UGT2B17: variants seen among roughly 807,000 people sequenced by gnomAD.
UGT2B17 encodes the protein UDP-glucuronosyltransferase 2B17.
UGT2B17 carries 21 observed loss-of-function variants against 48.2 expected under a neutral mutation model. That is an observed-to-expected ratio of 0.44 (90% CI 0.31 to 0.63). The LOEUF is 0.63. Ranked by LOEUF, UGT2B17 falls within the 20% of genes least tolerant of loss-of-function variation. UGT2B17 has a pLI of 0.08. For synonymous variants in UGT2B17, 146 were observed against 238.4 expected, an observed-to-expected ratio of 0.61 and a Z score of 3.57; for missense variants, 402 against 696.1, an observed-to-expected ratio of 0.58 and a Z score of 4.75.
intron 6 of UGT2B17, among the ~76,000 whole-genome samples, chr4:68,538,132 G>A (rs1214876773): frequency 2.4e-5 from 3 of 126,318 alleles, no homozygotes; most frequent in Middle Eastern, 3.6e-3. Context: ...GGAATTTTCG[G>A]TGGGAAAGTT....
chr4:68,546,569 T>G lies in UGT2B17; in HGVS notation c.1313+4108A>C, dbSNP rs1730812938. 1.6e-5 allele frequency among the ~76,000 whole-genome samples: 2 copies of G among 125,882 alleles called. 1 individual carries two copies. The highest frequency in any genetic ancestry group is 5.4e-5 in the African/African-American group (2 of 36,836). The allele number at this position is 125,882 out of a possible 152,430, so 82.6% of individuals were successfully genotyped here. ...CTATTCAACACAGTGTTGGATGTTC[T>G]GGCCAGGAGAATAAGGCAGGATAAG... On this transcript the variant is annotated intron_variant, in intron 6 of 6. Transcript: ENST00000317746.
At chr4:68,565,372 C>G (rs1313788973) in intron 3 of UGT2B17, among the ~76,000 whole-genome samples, 200 bp downstream of exon 3, 2 of 125,028 alleles carry the variant, frequency 1.6e-5, no homozygotes, top group African/African-American at 5.5e-5. Context: ...CAAAATCTCC[C>G]TAGTAAACCT....
rs767010706 is a variant in UGT2B17, at chr4:68,555,534, A to C, written c.1006-3623T>G. 4.8e-5 allele frequency among the ~76,000 whole-genome samples: 6 copies of C among 126,296 alleles called. 3 individuals carry two copies. Among genetic ancestry groups the C allele is most frequent in the Admixed American group, 3.3e-4 (4 of 12,206 alleles). The allele number at this position is 126,296 out of a possible 152,430, so 82.9% of individuals were successfully genotyped here. The stretch of plus-strand genomic sequence containing the variant: ...CACGGAGAGCTTGGAGGTTAAAAGC[A>C]AGATGGAGTTAGGTCAGATCTTTTT... On this transcript the variant is annotated intron_variant, in intron 4 of 6. Transcript: ENST00000317746.
chr4:68,549,487 C>T lies in UGT2B17; in HGVS notation c.1313+1190G>A, dbSNP rs1417215979. ...AAATAGAAAAATGACAAAATGTTCACAAGATTAAAATAGAAATTTTATCTA... is the reference window on the plus strand; with the variant it reads ...AAATAGAAAAATGACAAAATGTTCATAAGATTAAAATAGAAATTTTATCTA... On this transcript the variant is annotated intron_variant, in intron 6 of 6. Transcript: ENST00000317746. Among the ~76,000 whole-genome samples, 2 of 124,458 alleles carry T rather than the reference C, an allele frequency of 1.6e-5. 1 individual carries two copies. The highest frequency in any genetic ancestry group is 1.5e-3 in the East Asian group (2 of 1,314). The allele number at this position is 124,458 out of a possible 152,430, so 81.6% of individuals were successfully genotyped here.
Position 68,546,541 on chromosome 4 carries a change from C to G in UGT2B17, c.1313+4136G>C, listed in dbSNP as rs1332436620. The stretch of plus-strand genomic sequence containing the variant: ...AAGACAGGGATGCCCTCTCTCACCA[C>G]TCCTATTCAACACAGTGTTGGATGT... On this transcript the variant is annotated intron_variant, in intron 6 of 6. Coordinates refer to ENST00000317746, the MANE Select transcript of UGT2B17 (RefSeq NM_001077.4). Among the ~76,000 whole-genome samples, 3 of 126,114 alleles carry G rather than the reference C, an allele frequency of 2.4e-5. 1 individual carries two copies. The highest frequency in any genetic ancestry group is 8.1e-5 in the African/African-American group (3 of 36,920). 82.7% of individuals were successfully genotyped at this position (126,114 alleles called of 152,430 possible). A position where few individuals can be genotyped will look rare whatever the true frequency, so the allele number is the denominator to read the frequency against.
intron 6 of UGT2B17, among the ~76,000 whole-genome samples, chr4:68,539,850 T>A (rs1730622123): frequency 8.9e-6 from 1 of 112,738 alleles, no homozygotes; most frequent in Non-Finnish European, 1.8e-5. Flanking sequence ...GACGGAGCGA[T>A]CTTGGCTGAC....
chr4:68,570,849 C>T (rs1475409173), intron 1 of UGT2B17, among the ~76,000 whole-genome samples: 3 of 126,572 alleles, frequency 2.4e-5, no homozygotes, highest in African/African-American at 5.4e-5. Flanking sequence ...ATCCGTGCTA[C>T]ACTTGCACAG....
chr4:68,570,189 C>T (rs114781747), intron 1 of UGT2B17, among the ~76,000 whole-genome samples: 1,931 of 126,664 alleles, frequency 0.015, 407 homozygotes, highest in African/African-American at 0.05. Flanking sequence ...TCCTCAAGTG[C>T]GCAATTTTTG....
intron 2 of UGT2B17, among the ~76,000 whole-genome samples, chr4:68,567,369 C>A (rs62316999): frequency 0.011 from 1,374 of 126,378 alleles, 357 homozygotes; most frequent in Non-Finnish European, 0.016. Flanking sequence ...ACAAGTTCCT[C>A]AATCCTGCAT....
rs1163203975 is a variant in UGT2B17, at chr4:68,545,602, CA to C, written c.1313+5074del. ...AGCAGAACTGAAGGAAATAGAGACA[CA>C]AAAAACTCTTCAAAAAATCAATGAA... On this transcript the variant is annotated intron_variant, in intron 6 of 6. Transcript: ENST00000317746. 2.4e-5 allele frequency among the ~76,000 whole-genome samples: 3 copies of C among 125,286 alleles called. 1 individual carries two copies. Among genetic ancestry groups the C allele is most frequent in the African/African-American group, 8.2e-5 (3 of 36,602 alleles). The allele number at this position is 125,286 out of a possible 152,430, so 82.2% of individuals were successfully genotyped here.
rs1429789377 is a variant in UGT2B17, at chr4:68,545,857, T to A, written c.1313+4820A>T. Among the ~76,000 whole-genome samples, 3 of 125,288 alleles carry A rather than the reference T, an allele frequency of 2.4e-5. 1 individual carries two copies. In the South Asian group the frequency reaches 1.1e-3, roughly 47 times the overall value. 82.2% of individuals were successfully genotyped at this position (125,288 alleles called of 152,430 possible). ...GATAAATTCCTCGACACACACACCC[T>A]CCCAAGACTAAACCAGGAAGAAGTT... On this transcript the variant is annotated intron_variant, in intron 6 of 6. Coordinates refer to ENST00000317746, the MANE Select transcript of UGT2B17 (RefSeq NM_001077.4).
At chr4:68,553,296 C>G (rs1466587930) in intron 4 of UGT2B17, among the ~76,000 whole-genome samples, 1 of 126,156 alleles carries the variant, frequency 7.9e-6, no homozygotes, top group African/African-American at 2.7e-5. Context: ...AAAAACCATG[C>G]TCTTGGTTTC....
chr4:68,570,603 C>T (rs1731283668), intron 1 of UGT2B17, among the ~76,000 whole-genome samples: 1 of 126,332 alleles, frequency 7.9e-6, no homozygotes. Context: ...AGTTCTCACT[C>T]ATTTTTTTAC....
chr4:68,574,660 C>T (rs1330163117), intron 1 of UGT2B17, among the ~76,000 whole-genome samples: 2 of 126,114 alleles, frequency 1.6e-5, no homozygotes, highest in African/African-American at 5.4e-5. Flanking sequence ...ATTCTTATGC[C>T]TCCTTATAAT....
At position 68,549,498 on chromosome 4, in the gene UGT2B17, T is replaced by G. The variant is rs1730878414; in HGVS notation, c.1313+1179A>C. Among the ~76,000 whole-genome samples the G allele has an allele frequency of 1.6e-5, 2 of 124,984 alleles. 1 individual carries two copies. The highest frequency in any genetic ancestry group is 7.3e-4 in the South Asian group (2 of 2,730). The allele number at this position is 124,984 out of a possible 152,430, so 82.0% of individuals were successfully genotyped here. On this transcript the variant is annotated intron_variant, in intron 6 of 6. Coordinates refer to ENST00000317746, the MANE Select transcript of UGT2B17 (RefSeq NM_001077.4). ...TGACAAAATGTTCACAAGATTAAAA[T>G]AGAAATTTTATCTAAGGAAGATGCA...
In UGT2B17 at chr4:68,571,351, G is replaced by A. The variant is rs1373603484; in HGVS notation, c.-64-2803C>T. Among the ~76,000 whole-genome samples, 2 of 125,650 alleles carry A rather than the reference G, an allele frequency of 1.6e-5. 1 individual carries two copies. Among genetic ancestry groups the A allele is most frequent in the Non-Finnish European group, 3.4e-5 (2 of 59,400 alleles). 82.4% of individuals were successfully genotyped at this position (125,650 alleles called of 152,430 possible). A position where few individuals can be genotyped will look rare whatever the true frequency, so the allele number is the denominator to read the frequency against. ...ACACAGCTACCTGTCTACTGATCAGGCAGCTTAGCATAAGCTTTGTGTCCA... is the reference window on the plus strand; with the variant it reads ...ACACAGCTACCTGTCTACTGATCAGACAGCTTAGCATAAGCTTTGTGTCCA... On this transcript the variant is annotated intron_variant, in intron 1 of 6. Coordinates refer to ENST00000317746, the MANE Select transcript of UGT2B17 (RefSeq NM_001077.4).
rs369176514 is a variant in UGT2B17 at position 68,568,014 on chromosome 4, A to C, written c.471T>G (p.Cys157Trp). ...DVLLADAVNP[C>W]GELLAELLNI... is the part of the protein sequence containing the mutation. ...TAAGTAGCTCAGCCAGCAGCTCACC[A>C]CAGGGATTAACGGCATCTGCCAGAA... is the stretch of plus-strand genomic sequence containing the variant. The change falls in exon 2 of 7, where the codon TGT (cysteine) becomes TGG (tryptophan). Residue 157 changes from cysteine (C) to tryptophan (W), a missense_variant. By Grantham distance (215) the Cys-to-Trp change is radical. This residue lies in a region of UGT2B17 where 84 missense variants were observed against 92.6 expected (regional missense o/e 0.91). Transcript: ENST00000317746. The C allele has an allele frequency of 7.2e-7, 1 of 1,382,470 alleles. No individual in the cohort carries two copies. Among genetic ancestry groups the C allele is most frequent in the African/African-American group, 1.5e-5 (1 of 67,814 alleles). The allele number at this position is 1,382,470 out of a possible 1,614,324, so 85.6% of individuals were successfully genotyped here.
At position 68,561,007 on chromosome 4, in the gene UGT2B17, A is replaced by G. The variant is rs1360319617; in HGVS notation, c.874-339T>C. On this transcript the variant is annotated intron_variant, in intron 3 of 6. Coordinates refer to ENST00000317746, the MANE Select transcript of UGT2B17 (RefSeq NM_001077.4). ...AATATTATAATTACTAACATAGGTT[A>G]TTGGAAGGTAGCTTTACTTGGCTTT... is the stretch of plus-strand genomic sequence containing the variant. 3.2e-5 allele frequency among the ~76,000 whole-genome samples: 4 copies of G among 123,974 alleles called. 1 individual carries two copies. Among genetic ancestry groups the G allele is most frequent in the Non-Finnish European group, 6.8e-5 (4 of 59,158 alleles). The allele number at this position is 123,974 out of a possible 152,430, so 81.3% of individuals were successfully genotyped here.
rs1730990688 is a variant in UGT2B17, at chr4:68,555,898, G to A, written c.1006-3987C>T. The stretch of plus-strand genomic sequence containing the variant: ...AAAGGAACCAGGAAGTAAGGGAGAT[G>A]TAAAGAAAGTTATAAAAATAAAAAG... On this transcript the variant is annotated intron_variant, in intron 4 of 6. Transcript: ENST00000317746. Among the ~76,000 whole-genome samples, 3 of 108,544 alleles carry A rather than the reference G, an allele frequency of 2.8e-5. 1 individual carries two copies. The highest frequency in any genetic ancestry group is 1.9e-5 in the Non-Finnish European group (1 of 53,386). The allele number at this position is 108,544 out of a possible 152,430, so 71.2% of individuals were successfully genotyped here.
Sources: allele counts gnomAD v4.1 joint callset (sites outside exome capture counted in the v4.1 genomes callset), GRCh38; gene constraint gnomAD v4.1.1; regional missense constraint gnomAD v4.1.1; transcripts MANE v1.5; gene names NCBI Gene and HGNC (gene_info 2026-07-23, HGNC 2026-07-21).